CORO1C: variants seen among roughly 807,000 people sequenced by gnomAD.
The protein encoded by CORO1C is coronin 1C.
CORO1C carries 14 observed loss-of-function variants against 51.2 expected under a neutral mutation model. That is an observed-to-expected ratio of 0.27 (90% CI 0.18 to 0.43). The LOEUF (loss-of-function observed/expected upper bound fraction) is 0.43, where lower values mean the gene tolerates loss of function less well. Among genes scored for constraint, CORO1C ranks in the 20% least tolerant of loss-of-function variants. CORO1C has a pLI of 1.00. For synonymous variants in CORO1C, 181 were observed against 210.5 expected (o/e 0.86, Z 1.21); for missense variants, 417 against 607.8 (o/e 0.69, Z 3.30).
intron 1 of CORO1C, among the ~76,000 whole-genome samples, chr12:108,725,888 T>G (rs796610373): frequency 6.6e-5 from 10 of 152,130 alleles, no homozygotes; most frequent in African/African-American, 2.4e-4. Flanking sequence ...CAGGCTGGAG[T>G]GTGATGGCGC....
intron 1 of CORO1C, among the ~76,000 whole-genome samples, chr12:108,715,991 C>T (rs975318370): frequency 9.2e-5 from 14 of 151,584 alleles, no homozygotes; most frequent in African/African-American, 3.2e-4. Flanking sequence ...ATTGGCCAGG[C>T]GTGGTGGCAC....
At chr12:108,666,991 G>A (rs2033506587) in intron 3 of CORO1C, among the ~76,000 whole-genome samples, 1 of 151,692 alleles carries the variant, frequency 6.6e-6, no homozygotes, top group Non-Finnish European at 1.5e-5. Flanking sequence ...TTCCTAAGTT[G>A]TAAAATAGGC....
intron 4 of CORO1C, 85 bp downstream of exon 4, chr12:108,661,944 C>T (rs939432001): frequency 2.6e-6 from 4 of 1,517,000 alleles, no homozygotes; most frequent in South Asian, 1.2e-5. Context: ...CCATATAGCA[C>T]ACAACCAAAA....
chr12:108,701,339 G>T lies in CORO1C; in HGVS notation c.-5-16C>A. The T allele has an allele frequency of 6.2e-7, 1 of 1,614,124 alleles. No homozygotes were observed. Among genetic ancestry groups the T allele is most frequent in the Non-Finnish European group, 8.5e-7 (1 of 1,180,008 alleles). Reference sequence around the variant, plus strand: ...CTCATCGTGTCTGCAAAGGAAGAGTGAGAATTATGTTAGAATTATGCACCA... The same window carrying T: ...CTCATCGTGTCTGCAAAGGAAGAGTTAGAATTATGTTAGAATTATGCACCA... On this transcript the variant is annotated splice_polypyrimidine_tract_variant and intron_variant, in intron 1 of 10. Transcript: ENST00000261401.
chr12:108,684,123 G>A (rs1453166657), intron 2 of CORO1C, among the ~76,000 whole-genome samples: 2 of 152,078 alleles, frequency 1.3e-5, no homozygotes, highest in Non-Finnish European at 2.9e-5. Context: ...CAAACAGAAC[G>A]ATGGGCAAAT....
At chr12:108,674,275 CT>C (rs1327625442) in intron 3 of CORO1C, among the ~76,000 whole-genome samples, 1 of 152,144 alleles carries the variant, frequency 6.6e-6, no homozygotes, top group Non-Finnish European at 1.5e-5. Context: ...AATTAAAAAC[CT>C]TCTGGGCTGG....
chr12:108,699,870 C>T (rs2034809652), intron 2 of CORO1C, among the ~76,000 whole-genome samples: 1 of 152,172 alleles, frequency 6.6e-6, no homozygotes, highest in African/African-American at 2.4e-5. Context: ...CCCAAAGGCA[C>T]CCATCTCCCT....
rs774631156 is a variant in CORO1C at position 108,701,148 on chromosome 12, C to T, written c.171G>A (p.Ala57=). 2.0e-5 allele frequency: 33 copies of T among 1,613,976 alleles called. No individual in the cohort carries two copies. Among genetic ancestry groups the T allele is most frequent in the African/African-American group, 5.3e-5 (4 of 74,880 alleles). The change falls in exon 2 of 11, where the codon GCG becomes GCA. Residue 57 remains alanine, a synonymous_variant. Transcript: ENST00000261401. ...CCTTGTGCAGAGGGAGGACAAGGAA[C>T]GCTCCTCCCCCACTTGCCTCTATGA... is the stretch of plus-strand genomic sequence containing the variant. ...AIIIEASGGG[A]FLVLPLHKTG...
At chr12:108,690,801 T>C (rs1344470681) in intron 2 of CORO1C, among the ~76,000 whole-genome samples, 1 of 152,172 alleles carries the variant, frequency 6.6e-6, no homozygotes, top group Non-Finnish European at 1.5e-5. Context: ...TAAAATAAAA[T>C]TGAGCTAGAA....
chr12:108,665,903 C>A (rs912155489), intron 3 of CORO1C, among the ~76,000 whole-genome samples: 7 of 152,106 alleles, frequency 4.6e-5, no homozygotes, highest in Non-Finnish European at 1.0e-4. Context: ...TTCTGTGAGG[C>A]GGTTTGAAGA....
chr12:108,706,202 AAAC>A (rs2035027269), intron 1 of CORO1C, among the ~76,000 whole-genome samples: 3 of 151,700 alleles, frequency 2.0e-5, no homozygotes, highest in East Asian at 1.9e-4. Flanking sequence ...AAAACAAAAA[AAAC>A]AAAAAAAAAG....
At chr12:108,680,796 T>C (rs1330276497) in intron 2 of CORO1C, among the ~76,000 whole-genome samples, 1 of 152,232 alleles carries the variant, frequency 6.6e-6, no homozygotes, top group Non-Finnish European at 1.5e-5. Flanking sequence ...CTACTAGGTC[T>C]AAGCCACGTG....
At chr12:108,682,447 TG>T (rs1236881799) in intron 2 of CORO1C, among the ~76,000 whole-genome samples, 55 of 152,316 alleles carry the variant, frequency 3.6e-4, no homozygotes, top group African/African-American at 1.3e-3. Context: ...TAGCGATTAA[TG>T]TCACTATCTG....
chr12:108,686,007 T>C (rs2034281441), intron 2 of CORO1C, among the ~76,000 whole-genome samples: 1 of 152,162 alleles, frequency 6.6e-6, no homozygotes, highest in African/African-American at 2.4e-5. Flanking sequence ...CAAATCAGCA[T>C]ACGTTATTAA....
Position 108,648,835 on chromosome 12 carries a change from C to T in CORO1C, c.1075G>A (p.Asp359Asn). The T allele has an allele frequency of 6.2e-7, 1 of 1,614,190 alleles. No homozygotes were observed. The highest frequency in any genetic ancestry group is 1.6e-4 in the Middle Eastern group (1 of 6,062). Residue 359 changes from aspartate (D) to asparagine (N), a missense_variant, in exon 10 of 11, where the codon GAT becomes AAT. Asp to Asn is a conservative substitution (Grantham distance 23, BLOSUM62 1). Transcript: ENST00000261401. ...TVPRKSDLFQ[D>N]DLYPDTAGPE... The stretch of plus-strand genomic sequence containing the variant: ...CCCGCTGTGTCAGGATACAGGTCAT[C>T]TTGGAAAAGGTCAGACTACAAGAGA...
chr12:108,657,208 C>T, intron 6 of CORO1C, 96 bp downstream of exon 6: 2 of 1,480,184 alleles, frequency 1.4e-6, no homozygotes, highest in Non-Finnish European at 9.0e-7. Flanking sequence ...GAAAACTACA[C>T]TAAGAATCCC....
At chr12:108,656,102 G>A (rs1218041675) in intron 6 of CORO1C, among the ~76,000 whole-genome samples, 71 of 144,594 alleles carry the variant, frequency 4.9e-4, no homozygotes, top group African/African-American at 1.8e-3. Flanking sequence ...CCCTCTGCCC[G>A]GCAGCCGCCC....
At chr12:108,673,113 T>A (rs922106198) in intron 3 of CORO1C, among the ~76,000 whole-genome samples, 7 of 152,208 alleles carry the variant, frequency 4.6e-5, no homozygotes, top group African/African-American at 1.7e-4. Context: ...GAGGAAGCCA[T>A]GTTGAAAGCT....
intron 4 of CORO1C, among the ~76,000 whole-genome samples, chr12:108,660,300 C>T (rs1011094666): frequency 6.6e-6 from 1 of 151,798 alleles, no homozygotes; most frequent in Non-Finnish European, 1.5e-5. Flanking sequence ...AAAAATACAA[C>T]ATTAGCCAGG....
Sources: gnomAD v4.1 joint callset for allele counts (sites outside exome capture counted in the v4.1 genomes callset) on GRCh38, gnomAD v4.1.1 for gene constraint, MANE v1.5 for transcripts, NCBI Gene and HGNC (gene_info 2026-07-23, HGNC 2026-07-21) for gene names.